The following IMMP2L variants were observed in gnomAD, a reference collection of about 807,000 sequenced individuals.
The protein encoded by IMMP2L is mitochondrial inner membrane protease subunit 2.
In IMMP2L, 18 loss-of-function variants were observed where a neutral mutation model predicts 19.3. That is an observed-to-expected ratio of 0.93 (90% confidence interval 0.64 to 1.38). IMMP2L has a LOEUF of 1.38. Among genes scored for constraint, IMMP2L ranks in the 40% most tolerant of loss-of-function variants. IMMP2L has a pLI of 0.00. For missense variants in IMMP2L, 233 were observed against 218.2 expected (o/e 1.07, Z -0.43); for synonymous variants, 76 against 73.0 (o/e 1.04, Z -0.21).
chr7:111,014,402 C>T (rs1171330483), intron 3 of IMMP2L, among the ~76,000 whole-genome samples: 3 of 151,936 alleles, frequency 2.0e-5, no homozygotes, highest in African/African-American at 7.3e-5. Flanking sequence ...CACACACATA[C>T]ACACACACTT....
At chr7:111,536,695 T>C (rs1847918958) in intron 1 of IMMP2L, among the ~76,000 whole-genome samples, 1 of 152,174 alleles carries the variant, frequency 6.6e-6, no homozygotes, top group Non-Finnish European at 1.5e-5. Context: ...AAAAAATTTT[T>C]TTCAATTTAT....
chr7:111,001,997 T>G (rs909486725), intron 3 of IMMP2L, among the ~76,000 whole-genome samples: 1 of 151,588 alleles, frequency 6.6e-6, no homozygotes, highest in Non-Finnish European at 1.5e-5. Context: ...ACAAGGAAAC[T>G]GAGCAAACTA....
At chr7:110,973,549 C>T (rs531355784) in intron 3 of IMMP2L, among the ~76,000 whole-genome samples, 403 of 152,096 alleles carry the variant, frequency 2.6e-3, no homozygotes, top group Non-Finnish European at 4.7e-3. Flanking sequence ...ATAATTTCTC[C>T]GAAGATTTAC....
intron 3 of IMMP2L, among the ~76,000 whole-genome samples, chr7:111,443,546 C>T (rs1463737176): frequency 3.3e-5 from 5 of 152,146 alleles, no homozygotes; most frequent in Admixed American, 3.3e-4. Flanking sequence ...CTGAAGAGTT[C>T]TAAATATGGG....
At chr7:111,287,194 T>C (rs1820582364) in intron 3 of IMMP2L, among the ~76,000 whole-genome samples, 1 of 152,124 alleles carries the variant, frequency 6.6e-6, no homozygotes, top group Non-Finnish European at 1.5e-5. Context: ...GATACCAGCA[T>C]AAGAAACAAC....
chr7:111,365,824 C>T (rs545228079), intron 3 of IMMP2L, among the ~76,000 whole-genome samples: 1 of 152,072 alleles, frequency 6.6e-6, no homozygotes, highest in African/African-American at 2.4e-5. Flanking sequence ...TCCTGGAGCA[C>T]CTTGCTATGC....
chr7:110,781,567 G>C (rs998077750), intron 5 of IMMP2L, among the ~76,000 whole-genome samples: 12 of 151,302 alleles, frequency 7.9e-5, no homozygotes, highest in African/African-American at 2.2e-4. Flanking sequence ...TAGATATTTT[G>C]TATTTTTCCA....
intron 3 of IMMP2L, among the ~76,000 whole-genome samples, chr7:111,215,249 T>C (rs540168448): frequency 1.4e-4 from 22 of 152,292 alleles, no homozygotes; most frequent in Admixed American, 4.6e-4. Flanking sequence ...ATTCTATTCA[T>C]TGGTGAGCCT....
In IMMP2L at chr7:111,445,876, G is replaced by A. The variant is rs1016276473; in HGVS notation, c.239+41362C>T. On this transcript the variant is annotated intron_variant, in intron 3 of 5. Coordinates refer to ENST00000405709, the MANE Select transcript of IMMP2L (RefSeq NM_032549.4). ...CACCGTGCGTGAGCCGAAGCAGGGC[G>A]AGGCATTGCCTCACCTGGGAAGCGC... 4.6e-5 allele frequency among the ~76,000 whole-genome samples: 7 copies of A among 152,290 alleles called. No individual in the cohort carries two copies. In the South Asian group the frequency reaches 1.2e-3, roughly 27 times the overall value.
At chr7:111,337,402 A>T (rs1826537860) in intron 3 of IMMP2L, among the ~76,000 whole-genome samples, 1 of 152,088 alleles carries the variant, frequency 6.6e-6, no homozygotes, top group South Asian at 2.1e-4. Context: ...CTCCCAGCAC[A>T]TATTTTGCAG....
Position 110,833,187 on chromosome 7 carries a change from C to G in IMMP2L, c.408+53406G>C, listed in dbSNP as rs140715133. On this transcript the variant is annotated intron_variant, in intron 5 of 5. Coordinates refer to ENST00000405709, the MANE Select transcript of IMMP2L (RefSeq NM_032549.4). The stretch of plus-strand genomic sequence containing the variant: ...GGCACGGTGGCTCATGCCTGTAATC[C>G]CAGCACTTTGGGAGGCTGAGGCAGG... 6.9e-3 allele frequency among the ~76,000 whole-genome samples: 1,042 copies of G among 152,088 alleles called. 8 individuals carry two copies. The highest frequency in any genetic ancestry group is 0.024 in the African/African-American group (980 of 41,494).
chr7:111,450,002 A>G (rs529216906), intron 3 of IMMP2L, among the ~76,000 whole-genome samples: 1,679 of 150,582 alleles, frequency 0.011, 20 homozygotes, highest in South Asian at 0.024. Context: ...CCAACTTACA[A>G]GGGATGTGAA....
chr7:110,704,279 G>T lies in IMMP2L; in HGVS notation c.409-40558C>A, dbSNP rs188916641. Among the ~76,000 whole-genome samples, 165 of 152,276 alleles carry T rather than the reference G, an allele frequency of 1.1e-3. 1 individual carries two copies. The highest frequency in any genetic ancestry group is 3.8e-3 in the African/African-American group (159 of 41,552). On this transcript the variant is annotated intron_variant, in intron 5 of 5. Transcript: ENST00000405709. ...ATGTGTGAATAACAACCTCCAGATT[G>T]CTGAATAAGAAAAATTGAGCCTAAG...
chr7:111,005,650 A>G (rs1385632538), intron 3 of IMMP2L, among the ~76,000 whole-genome samples: 1 of 152,170 alleles, frequency 6.6e-6, no homozygotes, highest in African/African-American at 2.4e-5. Context: ...ATAAACGACC[A>G]AGATTAGTTT....
chr7:111,455,561 C>T (rs1839609076), intron 3 of IMMP2L, among the ~76,000 whole-genome samples: 1 of 150,500 alleles, frequency 6.6e-6, no homozygotes, highest in South Asian at 2.1e-4. Context: ...TGAATGAATC[C>T]AAAGCACCAT....
chr7:111,230,056 T>C (rs193011111), intron 3 of IMMP2L, among the ~76,000 whole-genome samples: 6 of 152,146 alleles, frequency 3.9e-5, no homozygotes, highest in African/African-American at 1.4e-4. Context: ...AATTCCCAAC[T>C]ATAACCACAG....
At chr7:111,479,375 T>G (rs1038863231) in intron 3 of IMMP2L, among the ~76,000 whole-genome samples, 8 of 152,184 alleles carry the variant, frequency 5.3e-5, no homozygotes, top group African/African-American at 1.9e-4. Flanking sequence ...AGGCCTTAGT[T>G]TGAAATAAAC....
chr7:110,727,834 C>T lies in IMMP2L; in HGVS notation c.409-64113G>A, dbSNP rs927348001. 1.3e-5 allele frequency among the ~76,000 whole-genome samples: 2 copies of T among 152,216 alleles called. No homozygotes were observed. Among genetic ancestry groups the T allele is most frequent in the South Asian group, 2.1e-4 (1 of 4,812 alleles). The stretch of plus-strand genomic sequence containing the variant: ...AGGCGTAAGAAAAGAATTGCTTCAC[C>T]GAGTGGATTTAAACAGATATGAGGT... On this transcript the variant is annotated intron_variant, in intron 5 of 5. Coordinates refer to ENST00000405709, the MANE Select transcript of IMMP2L (RefSeq NM_032549.4). The surrounding 1 kb of genome is among the most constrained non-coding windows in gnomAD (Gnocchi z 4.3).
At chr7:111,270,877 C>T (rs766551025) in intron 3 of IMMP2L, among the ~76,000 whole-genome samples, 61 of 152,150 alleles carry the variant, frequency 4.0e-4, no homozygotes, top group African/African-American at 1.4e-3. Context: ...AAAATGAGCA[C>T]TTATCTTACA....
Sources: gnomAD v4.1 joint callset for allele counts (sites outside exome capture counted in the v4.1 genomes callset) on GRCh38, gnomAD v4.1.1 for gene constraint, Gnocchi (gnomAD v3.1) non-coding constraint, MANE v1.5 for transcripts, NCBI Gene and HGNC (gene_info 2026-07-23, HGNC 2026-07-21) for gene names.